CDC14A: variants seen among roughly 807,000 people sequenced by gnomAD.
The protein encoded by CDC14A is cell division cycle 14A, also known as dual specificity protein phosphatase CDC14A.
Under a neutral mutation model 74.4 loss-of-function variants are expected in CDC14A, and 53 were observed. The observed-to-expected ratio is 0.71, with a 90% CI of 0.57 to 0.89. The LOEUF is 0.89. Among genes scored for constraint, CDC14A ranks in the 40% least tolerant of loss-of-function variants. The pLI, the probability that CDC14A is intolerant of heterozygous loss-of-function variation, is 0.00. For missense variants in CDC14A, 646 were observed against 713.7 expected (o/e 0.91, Z 1.08); for synonymous variants, 247 against 258.4 (o/e 0.96, Z 0.43).
At chr1:100,472,552 G>C (rs1668493686) in intron 10 of CDC14A, among the ~76,000 whole-genome samples, 1 of 151,272 alleles carries the variant, frequency 6.6e-6, no homozygotes, top group Non-Finnish European at 1.5e-5. Flanking sequence ...CTCTTAATAG[G>C]GTCTTTTACA....
chr1:100,498,076 T>G lies in CDC14A; in HGVS notation c.1299-9T>G. ...TTATTGTGACACTTTGCCATTTTTCTCCGCAAAGATTAAGTTCATCCCTGC... is the reference window on the plus strand; with the variant it reads ...TTATTGTGACACTTTGCCATTTTTCGCCGCAAAGATTAAGTTCATCCCTGC... On this transcript the variant is annotated splice_polypyrimidine_tract_variant and intron_variant, in intron 13 of 15. Coordinates refer to ENST00000336454, the MANE Select transcript of CDC14A (RefSeq NM_003672.4). 6.2e-7 allele frequency: 1 copy of G among 1,607,098 alleles called. No individual in the cohort carries two copies. Among genetic ancestry groups the G allele is most frequent in the Non-Finnish European group, 8.5e-7 (1 of 1,178,000 alleles).
At chr1:100,491,542 C>A (rs1215954073) in intron 11 of CDC14A, among the ~76,000 whole-genome samples, 17 of 40,970 alleles carry the variant, frequency 4.1e-4, no homozygotes, top group African/African-American at 7.8e-4. Flanking sequence ...CTCTCTCTCT[C>A]TCTCTCTATA....
chr1:100,442,943 C>A lies in CDC14A; in HGVS notation c.466C>A (p.His156Asn). 6.2e-7 allele frequency: 1 copy of A among 1,600,022 alleles called. No individual in the cohort carries two copies. Among genetic ancestry groups the A allele is most frequent in the Non-Finnish European group, 8.6e-7 (1 of 1,168,030 alleles). ...CLQGIRKGLQ[H>N]GFFDFETFDV... ...CAAATTCTGCTTTTAGGGATTACAA[C>A]ATGGATTTTTTGACTTTGAGACATT... The change falls in exon 7 of 16, where the codon CAT becomes AAT. Residue 156 changes from histidine (H) to asparagine (N), a missense_variant. Coordinates refer to ENST00000336454, the MANE Select transcript of CDC14A (RefSeq NM_003672.4).
chr1:100,347,236 A>G (rs759349377), intron 1 of CDC14A, among the ~76,000 whole-genome samples: 6 of 152,196 alleles, frequency 3.9e-5, no homozygotes, highest in Non-Finnish European at 7.3e-5. Flanking sequence ...CAGCTATGTG[A>G]GTTTGGGAAA....
At chr1:100,397,622 G>C (rs1658692642) in intron 4 of CDC14A, among the ~76,000 whole-genome samples, 1 of 152,208 alleles carries the variant, frequency 6.6e-6, no homozygotes, top group Non-Finnish European at 1.5e-5. Context: ...TAATATGTAT[G>C]AGAAGATGTT....
intron 4 of CDC14A, among the ~76,000 whole-genome samples, chr1:100,413,736 A>G (rs933702930): frequency 6.6e-6 from 1 of 152,212 alleles, no homozygotes; most frequent in Non-Finnish European, 1.5e-5. Context: ...TTCCAGTGAC[A>G]GCAAGAAAAT....
intron 2 of CDC14A, among the ~76,000 whole-genome samples, chr1:100,374,342 A>T (rs1654928693): frequency 6.6e-6 from 1 of 152,160 alleles, no homozygotes; most frequent in African/African-American, 2.4e-5. Flanking sequence ...GGCTGGGTCA[A>T]ATGGTATTTC....
chr1:100,450,177 C>T (rs1325760339), intron 7 of CDC14A, among the ~76,000 whole-genome samples: 1 of 152,136 alleles, frequency 6.6e-6, no homozygotes, highest in African/African-American at 2.4e-5. Flanking sequence ...TCAGATTGAC[C>T]AGGTGGTGTA....
chr1:100,471,934 A>G (rs1668435636), intron 10 of CDC14A, among the ~76,000 whole-genome samples: 1 of 152,174 alleles, frequency 6.6e-6, no homozygotes, highest in Non-Finnish European at 1.5e-5. Flanking sequence ...TGAAGTTAAC[A>G]AAGATATCTT....
At chr1:100,461,898 C>T (rs1571251816) in intron 8 of CDC14A, among the ~76,000 whole-genome samples, 2 of 152,114 alleles carry the variant, frequency 1.3e-5, no homozygotes, top group African/African-American at 4.8e-5. Context: ...TAAGTCAAGT[C>T]TTACTTAAGT....
chr1:100,408,055 C>T (rs1320621614), intron 4 of CDC14A, among the ~76,000 whole-genome samples: 1 of 152,086 alleles, frequency 6.6e-6, no homozygotes, highest in Non-Finnish European at 1.5e-5. Context: ...TTTTCTGTTC[C>T]TCTCCCTCTG....
At chr1:100,472,665 T>C (rs1668503579) in intron 10 of CDC14A, among the ~76,000 whole-genome samples, 1 of 136,356 alleles carries the variant, frequency 7.3e-6, no homozygotes, top group African/African-American at 3.7e-5. Context: ...ATTTCTCATA[T>C]TTTTTTTTCT....
At chr1:100,449,936 A>C (rs1665962521) in intron 7 of CDC14A, among the ~76,000 whole-genome samples, 1 of 152,172 alleles carries the variant, frequency 6.6e-6, no homozygotes, top group Non-Finnish European at 1.5e-5. Flanking sequence ...CCAAGGGACA[A>C]ATTTACCATG....
intron 10 of CDC14A, among the ~76,000 whole-genome samples, chr1:100,469,902 G>A (rs1668223801): frequency 6.6e-6 from 1 of 152,048 alleles, no homozygotes; most frequent in African/African-American, 2.4e-5. Context: ...GAGTTATGAG[G>A]CAAAGGCACT....
At chr1:100,481,907 TAA>T (rs2101346231) in intron 10 of CDC14A, among the ~76,000 whole-genome samples, 1 of 152,284 alleles carries the variant, frequency 6.6e-6, no homozygotes, top group Admixed American at 6.5e-5. Context: ...TTTTAGGGAG[TAA>T]TAGACACCAC....
At chr1:100,345,779 G>C (rs1650358750) in intron 1 of CDC14A, among the ~76,000 whole-genome samples, 1 of 152,202 alleles carries the variant, frequency 6.6e-6, no homozygotes, top group African/African-American at 2.4e-5. Flanking sequence ...GCTGTGCTTG[G>C]TTTTAAATGA....
intron 4 of CDC14A, chr1:100,393,348 G>A: frequency 1.1e-6 from 1 of 941,500 alleles, no homozygotes; most frequent in Non-Finnish European, 1.8e-6. Flanking sequence ...ATTCTCAGTT[G>A]TAACTGCTTG....
chr1:100,377,892 G>C (rs1444751216), intron 3 of CDC14A, among the ~76,000 whole-genome samples: 1 of 152,176 alleles, frequency 6.6e-6, no homozygotes, highest in Non-Finnish European at 1.5e-5. Flanking sequence ...ATCCTTTTAG[G>C]CTGTTGTTAA....
At position 100,397,307 on chromosome 1, in the gene CDC14A, C is replaced by G. The variant is rs1404792588; in HGVS notation, c.309+6483C>G. Reference sequence around the variant, plus strand: ...ACCCCCTGCATTGTGACATTGTGCTCCTTGAGATGGAAGGCTCAGATTTAA... The same window carrying G: ...ACCCCCTGCATTGTGACATTGTGCTGCTTGAGATGGAAGGCTCAGATTTAA... On this transcript the variant is annotated intron_variant, in intron 4 of 15. Coordinates refer to ENST00000336454, the MANE Select transcript of CDC14A (RefSeq NM_003672.4). Among the ~76,000 whole-genome samples the G allele has an allele frequency of 2.6e-5, 4 of 152,094 alleles. No individual in the cohort carries two copies. The East Asian group carries it at 7.7e-4, about 29-fold the overall frequency.
Sources: gnomAD v4.1 joint callset for allele counts (sites outside exome capture counted in the v4.1 genomes callset) on GRCh38, gnomAD v4.1.1 for gene constraint, MANE v1.5 for transcripts, NCBI Gene and HGNC (gene_info 2026-07-23, HGNC 2026-07-21) for gene names.